Variants in CACNA2D3 observed in about 807,000 individuals in gnomAD.
CACNA2D3 encodes voltage-dependent calcium channel subunit alpha-2/delta-3.
Under a neutral mutation model 160.6 loss-of-function variants are expected in CACNA2D3, and 60 were observed. The observed-to-expected ratio is 0.37, with a 90% CI of 0.30 to 0.46. The LOEUF (loss-of-function observed/expected upper bound fraction) is 0.46. Ranked by LOEUF, CACNA2D3 falls within the 20% of genes least tolerant of loss-of-function variation. The pLI is 1.00. For synonymous variants in CACNA2D3, 558 were observed against 492.9 expected, an observed-to-expected ratio of 1.13 and a Z score of -1.75; for missense variants, 1,205 against 1,365.0, an observed-to-expected ratio of 0.88 and a Z score of 1.85.
intron 35 of CACNA2D3, among the ~76,000 whole-genome samples, chr3:55,052,110 G>A (rs1248034148): frequency 5.3e-5 from 8 of 152,140 alleles, no homozygotes; most frequent in Non-Finnish European, 1.0e-4. Flanking sequence ...GTTCCTATTC[G>A]GCCATCTTGG....
intron 11 of CACNA2D3, among the ~76,000 whole-genome samples, chr3:54,742,388 A>C (rs1163318820): frequency 6.6e-6 from 1 of 152,170 alleles, no homozygotes; most frequent in Non-Finnish European, 1.5e-5. Context: ...ACTGCACTCC[A>C]TCCTGGGTGG....
intron 4 of CACNA2D3, among the ~76,000 whole-genome samples, chr3:54,468,237 C>T (rs752045349): frequency 5.9e-5 from 9 of 152,292 alleles, no homozygotes; most frequent in Admixed American, 1.3e-4. Context: ...GGTACCAAGT[C>T]ATCTCATTGG....
rs1447785253 is a variant in CACNA2D3 at position 54,171,150 on chromosome 3, T to TTTTTTTTTTTTTTTTTG, written c.204+47564_204+47565insTTTTTTTTGTTTTTTTT. Reference sequence around the variant, plus strand: ...AAAGATGATGACTTTTTTTTTTTTTTTTTTTTTTAGGAATAGCTAGATGAT... The same window carrying TTTTTTTTTTTTTTTTTG: ...AAAGATGATGACTTTTTTTTTTTTTTTTTTTTTTTTTTTTTTGTTTTTTTTAGGAATAGCTAGATGAT... On this transcript the variant is annotated intron_variant, in intron 2 of 37. Transcript: ENST00000474759. 1.4e-5 allele frequency among the ~76,000 whole-genome samples: 2 copies of TTTTTTTTTTTTTTTTTG among 139,220 alleles called. 1 individual carries two copies. The highest frequency in any genetic ancestry group is 3.1e-5 in the Non-Finnish European group (2 of 63,672). 91.3% of individuals were successfully genotyped at this position (139,220 alleles called of 152,430 possible). A position where few individuals can be genotyped will look rare whatever the true frequency, so the allele number is the denominator to read the frequency against.
intron 3 of CACNA2D3, among the ~76,000 whole-genome samples, chr3:54,348,626 C>T (rs1032559002): frequency 1.3e-5 from 2 of 152,212 alleles, no homozygotes; most frequent in Non-Finnish European, 2.9e-5. Flanking sequence ...TTTTCTTATT[C>T]TGGGGATTAT....
At chr3:54,939,998 C>A (rs894732682) in intron 27 of CACNA2D3, among the ~76,000 whole-genome samples, 1 of 152,158 alleles carries the variant, frequency 6.6e-6, no homozygotes, top group Non-Finnish European at 1.5e-5. Context: ...TCTAGGACTC[C>A]CATCTGAGCA....
intron 11 of CACNA2D3, among the ~76,000 whole-genome samples, chr3:54,752,141 G>GT (rs1329176135): frequency 6.6e-6 from 1 of 152,206 alleles, no homozygotes; most frequent in African/African-American, 2.4e-5. Flanking sequence ...ACCACAGATG[G>GT]TAAGAGAGTG....
At chr3:55,067,868 C>T (rs1491988) in intron 35 of CACNA2D3, among the ~76,000 whole-genome samples, 1 of 152,002 alleles carries the variant, frequency 6.6e-6, no homozygotes, top group Non-Finnish European at 1.5e-5. Flanking sequence ...AAACAAAAAG[C>T]CTTACCAAGA....
At chr3:54,654,897 C>A (rs1473184474) in intron 11 of CACNA2D3, among the ~76,000 whole-genome samples, 2 of 152,176 alleles carry the variant, frequency 1.3e-5, no homozygotes, top group African/African-American at 4.8e-5. Context: ...AGGAAGATCC[C>A]TCTCCCTCCT....
At chr3:54,761,231 T>C (rs1702074246) in intron 12 of CACNA2D3, among the ~76,000 whole-genome samples, 1 of 152,160 alleles carries the variant, frequency 6.6e-6, no homozygotes, top group Non-Finnish European at 1.5e-5. Context: ...TACAAGATCC[T>C]GTCTGGGCCC....
At chr3:54,451,581 A>T (rs1015226974) in intron 4 of CACNA2D3, among the ~76,000 whole-genome samples, 2 of 152,086 alleles carry the variant, frequency 1.3e-5, no homozygotes, top group African/African-American at 4.8e-5. Context: ...TAATCTCTCC[A>T]TAGGAAGTGT....
chr3:54,195,754 G>C (rs549885484), intron 2 of CACNA2D3, among the ~76,000 whole-genome samples: 2 of 152,272 alleles, frequency 1.3e-5, no homozygotes, highest in African/African-American at 2.4e-5. Context: ...GACACCGTTG[G>C]TGTTTAATGT....
chr3:54,251,719 C>T (rs1702192515), intron 2 of CACNA2D3, among the ~76,000 whole-genome samples: 2 of 152,228 alleles, frequency 1.3e-5, no homozygotes, highest in African/African-American at 4.8e-5. Flanking sequence ...ACATCTGTAT[C>T]TTCTCACTTG....
intron 11 of CACNA2D3, among the ~76,000 whole-genome samples, chr3:54,709,029 A>G (rs972228435): frequency 6.7e-6 from 1 of 149,710 alleles, no homozygotes; most frequent in African/African-American, 2.5e-5. Context: ...TTTTTTTTCA[A>G]GATGGAGTCT....
At chr3:54,974,855 T>C (rs897032934) in intron 29 of CACNA2D3, among the ~76,000 whole-genome samples, 3 of 149,978 alleles carry the variant, frequency 2.0e-5, no homozygotes, top group African/African-American at 7.3e-5. Context: ...GGGTGACAGA[T>C]AGACATCTTC....
chr3:55,059,583 ACT>A (rs5849069), intron 35 of CACNA2D3, among the ~76,000 whole-genome samples: 7,406 of 151,990 alleles, frequency 0.049, 229 homozygotes, highest in Non-Finnish European at 0.075. Context: ...TGTGGCTGAA[ACT>A]CTGGAAGCCC....
At chr3:54,935,941 T>G (rs549142352) in intron 27 of CACNA2D3, among the ~76,000 whole-genome samples, 1 of 152,332 alleles carries the variant, frequency 6.6e-6, no homozygotes, top group South Asian at 2.1e-4. Flanking sequence ...ATCCCCTTTG[T>G]GAGTCCAATC....
At chr3:54,192,360 T>G (rs1376629539) in intron 2 of CACNA2D3, among the ~76,000 whole-genome samples, 1 of 152,200 alleles carries the variant, frequency 6.6e-6, no homozygotes, top group Non-Finnish European at 1.5e-5. Context: ...GGCATTGATA[T>G]TGAGTTTCAC....
intron 5 of CACNA2D3, among the ~76,000 whole-genome samples, chr3:54,510,761 A>G (rs1701446763): frequency 6.6e-6 from 1 of 152,276 alleles, no homozygotes; most frequent in African/African-American, 2.4e-5. Context: ...CATCTGTAAG[A>G]TGTAAATTGT....
chr3:54,371,595 C>T (rs1359750811), intron 3 of CACNA2D3, among the ~76,000 whole-genome samples: 1 of 152,114 alleles, frequency 6.6e-6, no homozygotes, highest in African/African-American at 2.4e-5. Context: ...TGTGCATTTT[C>T]CTCTCTCCAA....
Sources: gnomAD v4.1 joint callset for allele counts (sites outside exome capture counted in the v4.1 genomes callset) on GRCh38, gnomAD v4.1.1 for gene constraint, MANE v1.5 for transcripts, NCBI Gene and HGNC (gene_info 2026-07-23, HGNC 2026-07-21) for gene names.